Variants in CCDC171 observed in about 807,000 individuals in gnomAD.
CCDC171 encodes the protein coiled-coil domain containing 171.
In CCDC171, 177 loss-of-function variants were observed where a neutral mutation model predicts 168.2. The observed-to-expected ratio is 1.05, with a 90% CI of 0.93 to 1.19. The LOEUF (loss-of-function observed/expected upper bound fraction) is 1.19. CCDC171 is among the 50% of genes most tolerant of loss of function. The pLI, the probability that CCDC171 is intolerant of heterozygous loss-of-function variation, is 0.00. For missense variants in CCDC171, 1,991 were observed against 1,539.0 expected, an observed-to-expected ratio of 1.29 and a Z score of -4.91; for synonymous variants, 687 against 540.8, an observed-to-expected ratio of 1.27 and a Z score of -3.75.
In CCDC171 at chr9:15,555,762, C is replaced by T. The variant is rs557296461; in HGVS notation, c.-112+2460C>T. Among the ~76,000 whole-genome samples the T allele has an allele frequency of 4.0e-4, 61 of 152,222 alleles. 1 individual carries two copies. In the South Asian group the frequency reaches 8.9e-3, roughly 22 times the overall value. On this transcript the variant is annotated intron_variant, in intron 1 of 25. Transcript: ENST00000380701. ...GGTTTGTTACATATGCATACATGTG[C>T]CATGTTGGTGTGCTGCACCTGTTAA...
chr9:15,864,459 C>T (rs985026456), intron 23 of CCDC171, among the ~76,000 whole-genome samples: 43 of 152,156 alleles, frequency 2.8e-4, no homozygotes, highest in African/African-American at 9.6e-4. Flanking sequence ...TCCCTCCCCC[C>T]GCTCCCCGCA....
chr9:16,086,182 AAGGGTGTATGCATCC>A, the CCDC171 span, among the ~76,000 whole-genome samples: 3 of 152,204 alleles, frequency 2.0e-5, no homozygotes, highest in East Asian at 5.8e-4. Context: ...TAGTCTTGGG[AAGGGTGTATGCATCC>A]AGGAATTTAT....
intron 25 of CCDC171, among the ~76,000 whole-genome samples, chr9:15,932,950 T>C (rs1342908327): frequency 6.6e-6 from 1 of 152,048 alleles, no homozygotes. Context: ...TTCCACTTGA[T>C]CACAGTGAAT....
intron 23 of CCDC171, among the ~76,000 whole-genome samples, chr9:15,854,970 G>A (rs999822360): frequency 6.6e-6 from 1 of 151,522 alleles, no homozygotes; most frequent in South Asian, 2.1e-4. Flanking sequence ...TCCTTTTTAA[G>A]TTTGTTAAAG....
At chr9:15,791,016 G>A (rs991702364) in intron 21 of CCDC171, among the ~76,000 whole-genome samples, 1 of 152,180 alleles carries the variant, frequency 6.6e-6, no homozygotes, top group African/African-American at 2.4e-5. Context: ...AGTGTAGTTT[G>A]AAGTCAGGTA....
At chr9:16,083,915 T>TCTGCCAGGAACC in the CCDC171 span, among the ~76,000 whole-genome samples, 1 of 152,222 alleles carries the variant, frequency 6.6e-6, no homozygotes, top group African/African-American at 2.4e-5. Context: ...CTCCCTTTGG[T>TCTGCCAGGAACC]GATCTCACCA....
At chr9:15,816,146 T>A (rs1204724892) in intron 21 of CCDC171, among the ~76,000 whole-genome samples, 2 of 118,076 alleles carry the variant, frequency 1.7e-5, no homozygotes, top group Admixed American at 1.6e-4. Context: ...ATACATAATT[T>A]TAAAAACGTT....
intron 11 of CCDC171, among the ~76,000 whole-genome samples, chr9:15,700,177 C>A (rs1258093081): frequency 6.6e-6 from 1 of 152,228 alleles, no homozygotes; most frequent in Non-Finnish European, 1.5e-5. Context: ...AGGTGCTGAG[C>A]CCTGCCCCAC....
chr9:15,790,863 C>A (rs2058221870), intron 21 of CCDC171, among the ~76,000 whole-genome samples: 1 of 152,140 alleles, frequency 6.6e-6, no homozygotes, highest in African/African-American at 2.4e-5. Context: ...AATCCTTTCC[C>A]CATTTCTTGT....
intron 6 of CCDC171, among the ~76,000 whole-genome samples, chr9:15,602,355 C>G (rs1039467117): frequency 6.9e-6 from 1 of 145,112 alleles, no homozygotes; most frequent in African/African-American, 2.4e-5. Context: ...TTGTGTAGCT[C>G]TCTAAGAGAA....
chr9:15,944,632 A>G (rs1000654691), intron 25 of CCDC171, among the ~76,000 whole-genome samples: 1 of 152,024 alleles, frequency 6.6e-6, no homozygotes, highest in African/African-American at 2.4e-5. Context: ...CATTCATAGT[A>G]GCTAGGCATG....
chr9:16,013,569 T>G (rs1832933935), intron 3 of CCDC171, among the ~76,000 whole-genome samples: 1 of 152,202 alleles, frequency 6.6e-6, no homozygotes, highest in Non-Finnish European at 1.5e-5. Context: ...CTCCAATGCC[T>G]ACGGGGCAAA....
At chr9:15,682,637 T>A (rs900145577) in intron 10 of CCDC171, among the ~76,000 whole-genome samples, 1 of 151,836 alleles carries the variant, frequency 6.6e-6, no homozygotes, top group Non-Finnish European at 1.5e-5. Context: ...ATTTATAGAT[T>A]TAAAAGATAT....
chr9:15,929,230 A>T (rs1826229706), intron 25 of CCDC171, among the ~76,000 whole-genome samples: 1 of 151,838 alleles, frequency 6.6e-6, no homozygotes, highest in Non-Finnish European at 1.5e-5. Context: ...GAAAATATGG[A>T]TAGTAACTGG....
chr9:15,966,306 C>T (rs919245843), intron 25 of CCDC171, among the ~76,000 whole-genome samples: 5 of 152,128 alleles, frequency 3.3e-5, no homozygotes, highest in African/African-American at 1.2e-4. Context: ...CAGAATTGGA[C>T]AGACTGGAGG....
At chr9:15,644,119 T>C (rs887207508) in intron 7 of CCDC171, among the ~76,000 whole-genome samples, 51 of 152,354 alleles carry the variant, frequency 3.3e-4, no homozygotes, top group African/African-American at 1.0e-3. Context: ...ATGGTAACTC[T>C]ATGTTTAATT....
intron 18 of CCDC171, among the ~76,000 whole-genome samples, chr9:15,761,282 C>G (rs1440732673): frequency 6.6e-6 from 1 of 152,074 alleles, no homozygotes; most frequent in Non-Finnish European, 1.5e-5. Context: ...CATAGCGACC[C>G]TTTCAAGCAA....
intron 7 of CCDC171, among the ~76,000 whole-genome samples, chr9:15,625,438 T>C (rs1381003963): frequency 1.3e-5 from 2 of 152,226 alleles, no homozygotes; most frequent in Non-Finnish European, 2.9e-5. Context: ...TCTAGGGTTT[T>C]TATGGTTTTA....
chr9:15,910,570 A>T (rs1331612472), intron 24 of CCDC171, among the ~76,000 whole-genome samples: 3 of 151,914 alleles, frequency 2.0e-5, no homozygotes, highest in African/African-American at 7.3e-5. Context: ...AATATACTTT[A>T]AGTTCTGGGA....
Sources: allele counts gnomAD v4.1 joint callset (sites outside exome capture counted in the v4.1 genomes callset), GRCh38; gene constraint gnomAD v4.1.1; transcripts MANE v1.5; gene names NCBI Gene and HGNC (gene_info 2026-07-23, HGNC 2026-07-21).